Variants in HBS1L observed in about 807,000 individuals in gnomAD.
HBS1L encodes the protein HBS1 like translational GTPase.
In HBS1L, 55 loss-of-function variants were observed where a neutral mutation model predicts 88.9. That is an observed-to-expected ratio of 0.62 (90% CI 0.50 to 0.77). HBS1L has a LOEUF of 0.77. Ranked by LOEUF, HBS1L falls within the 30% of genes least tolerant of loss-of-function variation. HBS1L has a pLI of 0.00. For missense variants in HBS1L, 741 were observed against 829.3 expected, an observed-to-expected ratio of 0.89 and a Z score of 1.31; for synonymous variants, 267 against 288.5, an observed-to-expected ratio of 0.93 and a Z score of 0.76.
At position 134,969,371 on chromosome 6, in the gene HBS1L, C is replaced by G. The variant is rs138023913; in HGVS notation, c.1798-33G>C. The stretch of plus-strand genomic sequence containing the variant: ...AAAAAATTATAACACTAAAAATCTG[C>G]TACCACAGTATCTCTGGCCTTTTCT... On this transcript the variant is annotated intron_variant, in intron 15 of 17. Transcript: ENST00000367837. 154 of 1,290,270 alleles carry G rather than the reference C, an allele frequency of 1.2e-4. 1 individual carries two copies. In the African/African-American group the frequency reaches 2.0e-3, roughly 17 times the overall value. The allele number at this position is 1,290,270 out of a possible 1,614,324, so 79.9% of individuals were successfully genotyped here. A position where few individuals can be genotyped will look rare whatever the true frequency, so the allele number is the denominator to read the frequency against.
intron 4 of HBS1L, among the ~76,000 whole-genome samples, chr6:135,021,238 A>G (rs1323138589): frequency 6.6e-6 from 1 of 152,094 alleles, no homozygotes; most frequent in Non-Finnish European, 1.5e-5. Context: ...AATATTGCCT[A>G]CAATTACTGC....
At chr6:135,016,827 T>C (rs1206585433) in intron 4 of HBS1L, among the ~76,000 whole-genome samples, 1 of 152,198 alleles carries the variant, frequency 6.6e-6, no homozygotes, top group Non-Finnish European at 1.5e-5. Context: ...ATTATTTATT[T>C]ATGAAGAAAA....
intron 4 of HBS1L, among the ~76,000 whole-genome samples, chr6:135,018,901 T>C (rs1009792347): frequency 6.6e-6 from 1 of 151,944 alleles, no homozygotes; most frequent in Non-Finnish European, 1.5e-5. Context: ...CCTGGAACTA[T>C]CTACCCTTGC....
At chr6:135,039,485 A>G in intron 4 of HBS1L, 88 bp downstream of exon 4, 1 of 1,058,292 alleles carries the variant, frequency 9.4e-7, no homozygotes, top group East Asian at 2.4e-5. Context: ...AGCAAATTAA[A>G]TATTTTCTTA....
intron 5 of HBS1L, among the ~76,000 whole-genome samples, chr6:135,000,311 T>C (rs1391118845): frequency 3.3e-5 from 5 of 149,522 alleles, no homozygotes. Context: ...TGCTCCCACC[T>C]CAGCCTCCTA....
In HBS1L at chr6:135,003,903, T is replaced by G. The variant is rs1268135694; in HGVS notation, c.431-1061A>C. 3.3e-5 allele frequency among the ~76,000 whole-genome samples: 5 copies of G among 152,012 alleles called. No homozygotes were observed. In the East Asian group the frequency reaches 9.6e-4, roughly 29 times the overall value. On this transcript the variant is annotated intron_variant, in intron 4 of 17. Transcript: ENST00000367837. ...ATAAATAAATAAAAATAATTAAAAA[T>G]GGAGGGATGGAGGAGAATAAATTAT...
chr6:135,043,803 TCTA>T (rs1444831968), intron 2 of HBS1L, among the ~76,000 whole-genome samples: 6 of 152,214 alleles, frequency 3.9e-5, no homozygotes, highest in Non-Finnish European at 4.4e-5. Flanking sequence ...TTCAATCCGT[TCTA>T]CTATAATGCA....
chr6:134,994,197 A>G (rs1562285278), intron 7 of HBS1L, among the ~76,000 whole-genome samples: 1 of 152,084 alleles, frequency 6.6e-6, no homozygotes, highest in East Asian at 1.9e-4. Flanking sequence ...AAATGGGGGG[A>G]AAATACTGCA....
chr6:134,984,512 G>A lies in HBS1L; in HGVS notation c.1492+829C>T, dbSNP rs1375081380. Among the ~76,000 whole-genome samples the A allele has an allele frequency of 2.6e-5, 4 of 152,126 alleles. No individual in the cohort carries two copies. In the East Asian group the frequency reaches 5.8e-4, roughly 22 times the overall value. On this transcript the variant is annotated intron_variant, in intron 12 of 17. Transcript: ENST00000367837. ...TCAGGGCATGTGCGCAGGTAAGCAC[G>A]CCGGTTACCAATTTACTGCTGCTCA...
At chr6:135,016,946 A>T (rs1775938710) in intron 4 of HBS1L, among the ~76,000 whole-genome samples, 1 of 152,240 alleles carries the variant, frequency 6.6e-6, no homozygotes, top group South Asian at 2.1e-4. Context: ...ACTAGGAGAC[A>T]CTGATGCTGA....
chr6:134,991,778 TTC>T (rs1384680948), intron 8 of HBS1L, among the ~76,000 whole-genome samples: 85 of 152,182 alleles, frequency 5.6e-4, no homozygotes, highest in Non-Finnish European at 1.6e-4. Context: ...CATGTTAAAA[TTC>T]TCTTTTTGGC....
At chr6:134,979,114 T>C (rs574327404) in intron 14 of HBS1L, 64 bp downstream of exon 14, 145 of 1,162,934 alleles carry the variant, frequency 1.2e-4, no homozygotes, top group Non-Finnish European at 1.6e-4. Context: ...TTGCAAAATA[T>C]ATGTGTTTAG....
intron 4 of HBS1L, among the ~76,000 whole-genome samples, chr6:135,030,956 C>T (rs1583137999): frequency 6.6e-6 from 1 of 152,060 alleles, no homozygotes; most frequent in Non-Finnish European, 1.5e-5. Context: ...GTGACGTCGG[C>T]CTTTTTGATA....
intron 13 of HBS1L, among the ~76,000 whole-genome samples, chr6:134,981,671 A>T (rs1258646202): frequency 6.6e-6 from 1 of 151,930 alleles, no homozygotes. Context: ...AATGGTTACA[A>T]ATAATATTAT....
At chr6:135,012,724 C>T (rs908958032) in intron 4 of HBS1L, among the ~76,000 whole-genome samples, 2 of 152,184 alleles carry the variant, frequency 1.3e-5, no homozygotes, top group African/African-American at 2.4e-5. Flanking sequence ...TTCTCACATG[C>T]ATGGCCATGG....
intron 8 of HBS1L, among the ~76,000 whole-genome samples, chr6:134,989,378 C>T (rs1184307901): frequency 1.3e-5 from 2 of 152,146 alleles, no homozygotes; most frequent in Non-Finnish European, 2.9e-5. Context: ...TTAGCTATCT[C>T]GGGCTGTTAC....
At position 134,966,323 on chromosome 6, in the gene HBS1L, A is replaced by C; in HGVS notation, c.2043+6T>G. ...ATATATAATGAGTCACTTTAAAATA[A>C]AATACCTCAGTGACAACACCAGCAG... On this transcript the variant is annotated splice_donor_region_variant and intron_variant, in intron 17 of 17. Transcript: ENST00000367837. 1 of 1,604,654 alleles carries C rather than the reference A, an allele frequency of 6.2e-7. No homozygotes were observed. Among genetic ancestry groups the C allele is most frequent in the Non-Finnish European group, 8.5e-7 (1 of 1,176,378 alleles).
chr6:135,020,242 A>G (rs142424370), intron 4 of HBS1L, among the ~76,000 whole-genome samples: 2 of 151,846 alleles, frequency 1.3e-5, no homozygotes, highest in East Asian at 3.9e-4. Context: ...TTTTAACAGC[A>G]TTTGCTCCTT....
At chr6:135,012,504 T>C (rs1248652047) in intron 4 of HBS1L, among the ~76,000 whole-genome samples, 1 of 152,224 alleles carries the variant, frequency 6.6e-6, no homozygotes, top group Non-Finnish European at 1.5e-5. Context: ...GTCTCTGCTT[T>C]CTATCTCTAG....
Sources: gnomAD v4.1 joint callset for allele counts (sites outside exome capture counted in the v4.1 genomes callset) on GRCh38, gnomAD v4.1.1 for gene constraint, MANE v1.5 for transcripts, NCBI Gene and HGNC (gene_info 2026-07-23, HGNC 2026-07-21) for gene names.